The following NALF1 variants were observed in gnomAD, a reference collection of about 807,000 sequenced individuals.
NALF1 encodes the protein NALCN channel auxiliary factor 1.
In NALF1, 3 loss-of-function variants were observed where a neutral mutation model predicts 48.4. The observed-to-expected ratio is 0.06, with a 90% confidence interval of 0.03 to 0.16. The LOEUF (loss-of-function observed/expected upper bound fraction) is 0.16, where lower values mean the gene tolerates loss of function less well. NALF1 is among the 10% of genes least tolerant of loss of function. The pLI is 1.00. For missense variants in NALF1, 526 were observed against 571.5 expected, an observed-to-expected ratio of 0.92 and a Z score of 0.81; for synonymous variants, 262 against 245.7, an observed-to-expected ratio of 1.07 and a Z score of -0.62.
intron 1 of NALF1, among the ~76,000 whole-genome samples, chr13:107,656,719 A>T (rs375642388): frequency 1.3e-5 from 2 of 152,192 alleles, no homozygotes; most frequent in African/African-American, 2.4e-5. Context: ...GCATGTTTAT[A>T]GCAGCACAAT....
intron 1 of NALF1, 30 bp downstream of exon 1, chr13:107,865,640 TAGGAAAGTGCAG>T: frequency 1.3e-6 from 2 of 1,585,036 alleles, no homozygotes; most frequent in Non-Finnish European, 1.7e-6. Context: ...CAAGCAGAGA[TAGGAAAGTGCAG>T]GAAAGGGGGA....
chr13:107,665,191 T>C (rs577667868), intron 1 of NALF1, among the ~76,000 whole-genome samples: 11 of 152,270 alleles, frequency 7.2e-5, no homozygotes, highest in African/African-American at 2.6e-4. Flanking sequence ...TGATATTCTG[T>C]AGAAGCCACA....
chr13:107,751,803 C>G (rs1414258988), intron 1 of NALF1, among the ~76,000 whole-genome samples: 1 of 152,056 alleles, frequency 6.6e-6, no homozygotes, highest in African/African-American at 2.4e-5. Context: ...CAAGCCTAGC[C>G]AATGTTTTAC....
rs61966004 is a variant in NALF1, at chr13:107,664,365, T to A, written c.915+201317A>T. Among the ~76,000 whole-genome samples the A allele has an allele frequency of 2.5e-3, 374 of 152,290 alleles. 3 individuals are homozygous for A. Among genetic ancestry groups the A allele is most frequent in the Non-Finnish European group, 3.6e-3 (245 of 68,008 alleles). ...TCCAGCCTCACCTGGATCATCACAT[T>A]AGCTCCTAACTGATCTCTACTGACA... On this transcript the variant is annotated intron_variant, in intron 1 of 2. Transcript: ENST00000375915.
chr13:107,758,727 A>AAAAAAG (rs1162943036), intron 1 of NALF1, among the ~76,000 whole-genome samples: 4 of 151,984 alleles, frequency 2.6e-5, no homozygotes, highest in Non-Finnish European at 5.9e-5. Context: ...CTCAAAAAGA[A>AAAAAAG]AAAAATAAAA....
At chr13:107,433,902 G>A (rs1295564885) in intron 1 of NALF1, among the ~76,000 whole-genome samples, 1 of 152,148 alleles carries the variant, frequency 6.6e-6, no homozygotes, top group Non-Finnish European at 1.5e-5. Flanking sequence ...CTTAGGAGCT[G>A]GTAGATTGCT....
rs1465290140 is a variant in NALF1, at chr13:107,556,294, T to TAC, written c.915+309387_915+309388insGT. On this transcript the variant is annotated intron_variant, in intron 1 of 2. Transcript: ENST00000375915. Reference sequence around the variant, plus strand: ...CAACATATATATATATATATATATATATACACACACACACACACACACACA... The same window carrying TAC: ...CAACATATATATATATATATATATATACATACACACACACACACACACACACA... 2.5e-3 allele frequency among the ~76,000 whole-genome samples: 243 copies of TAC among 97,506 alleles called. 1 individual carries two copies. Among genetic ancestry groups the TAC allele is most frequent in the African/African-American group, 7.9e-3 (229 of 28,808 alleles). The allele number at this position is 97,506 out of a possible 152,430, so 64.0% of individuals were successfully genotyped here. A position where few individuals can be genotyped will look rare whatever the true frequency, so the allele number is the denominator to read the frequency against.
intron 1 of NALF1, among the ~76,000 whole-genome samples, chr13:107,797,708 G>C (rs1470158044): frequency 6.6e-6 from 1 of 151,806 alleles, no homozygotes; most frequent in African/African-American, 2.4e-5. Context: ...TTGATTTTCA[G>C]ATTTTATATT....
chr13:107,689,112 G>T (rs1881508662), intron 1 of NALF1, among the ~76,000 whole-genome samples: 1 of 152,148 alleles, frequency 6.6e-6, no homozygotes, highest in Non-Finnish European at 1.5e-5. Flanking sequence ...TATTCCCCTT[G>T]TCAACAACCA....
chr13:107,436,323 G>C (rs1041778003), intron 1 of NALF1, among the ~76,000 whole-genome samples: 1 of 152,036 alleles, frequency 6.6e-6, no homozygotes, highest in African/African-American at 2.4e-5. Context: ...TTTTTTTAAA[G>C]GTAGAATCCA....
chr13:107,401,340 G>A (rs1296977499), intron 1 of NALF1, among the ~76,000 whole-genome samples: 1 of 152,018 alleles, frequency 6.6e-6, no homozygotes, highest in African/African-American at 2.4e-5. Context: ...GGAGTCTTGG[G>A]GTATATCCTC....
rs141207264 is a variant in NALF1 at position 107,658,208 on chromosome 13, A to C, written c.915+207474T>G. On this transcript the variant is annotated intron_variant, in intron 1 of 2. Transcript: ENST00000375915. Reference sequence around the variant, plus strand: ...AGATTGGTGAGCCTCCTAAGTAGGAAGATTGGTGGATTTATCTTACTTAGT... The same window carrying C: ...AGATTGGTGAGCCTCCTAAGTAGGACGATTGGTGGATTTATCTTACTTAGT... Among the ~76,000 whole-genome samples the C allele has an allele frequency of 7.3e-3, 1,116 of 152,058 alleles. 18 individuals carry two copies. Among genetic ancestry groups the C allele is most frequent in the African/African-American group, 0.026 (1,078 of 41,494 alleles).
At chr13:107,501,634 G>C (rs1875528153) in intron 1 of NALF1, among the ~76,000 whole-genome samples, 1 of 152,126 alleles carries the variant, frequency 6.6e-6, no homozygotes, top group African/African-American at 2.4e-5. Flanking sequence ...TGTCACTGAT[G>C]GGATCAGAAT....
chr13:107,691,097 C>G (rs1180035441), intron 1 of NALF1, among the ~76,000 whole-genome samples: 1 of 152,168 alleles, frequency 6.6e-6, no homozygotes, highest in Non-Finnish European at 1.5e-5. Flanking sequence ...ACCAATATCA[C>G]TTATAAAAGG....
rs375727138 is a variant in NALF1 at position 107,497,808 on chromosome 13, C to T, written c.916-287053G>A. The stretch of plus-strand genomic sequence containing the variant: ...ATATGCTTACAGCTCCTCTGGTAGA[C>T]GGAGGCATTTAATTAATAACTAAAT... On this transcript the variant is annotated intron_variant, in intron 1 of 2. Transcript: ENST00000375915. 3.9e-5 allele frequency among the ~76,000 whole-genome samples: 6 copies of T among 152,074 alleles called. No homozygotes were observed. The East Asian group carries it at 7.7e-4, about 20-fold the overall frequency.
At chr13:107,371,254 A>G (rs948221557) in intron 1 of NALF1, among the ~76,000 whole-genome samples, 1 of 152,048 alleles carries the variant, frequency 6.6e-6, no homozygotes, top group Non-Finnish European at 1.5e-5. Flanking sequence ...TGGGACCAAT[A>G]CAGACAACAC....
chr13:107,259,252 A>T (rs1880882498), intron 1 of NALF1, among the ~76,000 whole-genome samples: 2 of 152,136 alleles, frequency 1.3e-5, no homozygotes, highest in South Asian at 4.1e-4. Flanking sequence ...AGAGTGTCTT[A>T]CAAGTAACGG....
chr13:107,266,184 G>C (rs1158744418), intron 1 of NALF1, among the ~76,000 whole-genome samples: 1 of 152,192 alleles, frequency 6.6e-6, no homozygotes, highest in African/African-American at 2.4e-5. Flanking sequence ...CATTCAGATA[G>C]CTTCCTTCTA....
At chr13:107,773,704 G>T in intron 1 of NALF1, among the ~76,000 whole-genome samples, 1 of 104,606 alleles carries the variant, frequency 9.6e-6, no homozygotes, top group South Asian at 3.8e-4. Context: ...ACAGGAAGGG[G>T]AACATCGCAC....
Sources: allele counts gnomAD v4.1 joint callset (sites outside exome capture counted in the v4.1 genomes callset), GRCh38; gene constraint gnomAD v4.1.1; transcripts MANE v1.5; gene names NCBI Gene and HGNC (gene_info 2026-07-23, HGNC 2026-07-21).